LDLRAD3: variants seen among roughly 807,000 people sequenced by gnomAD.
LDLRAD3 encodes the protein low density lipoprotein receptor class A domain containing 3.
A neutral mutation model predicts 29.4 loss-of-function variants in LDLRAD3; 20 were observed. The observed-to-expected ratio is 0.68, with a 90% CI of 0.48 to 0.99. The LOEUF is 0.99. LDLRAD3 is among the 50% of genes least tolerant of loss of function. The probability of loss-of-function intolerance (pLI) is 0.00; values close to 1 mark genes in which losing one functional copy is unlikely to be tolerated. For missense variants in LDLRAD3, 420 were observed against 454.3 expected, an observed-to-expected ratio of 0.92 and a Z score of 0.69; for synonymous variants, 157 against 192.7, an observed-to-expected ratio of 0.81 and a Z score of 1.53.
chr11:36,125,007 G>A (rs1347016457), intron 4 of LDLRAD3, among the ~76,000 whole-genome samples: 2 of 152,100 alleles, frequency 1.3e-5, no homozygotes, highest in Admixed American at 1.3e-4. Flanking sequence ...CTTTGCAGGT[G>A]CTGTTACCTC....
chr11:36,050,630 C>T (rs1470143368), intron 2 of LDLRAD3, among the ~76,000 whole-genome samples: 1 of 152,196 alleles, frequency 6.6e-6, no homozygotes, highest in Non-Finnish European at 1.5e-5. Flanking sequence ...TGATTCAAGA[C>T]CTGACTGCTG....
At chr11:36,123,182 G>T (rs898317179) in intron 4 of LDLRAD3, among the ~76,000 whole-genome samples, 1 of 151,898 alleles carries the variant, frequency 6.6e-6, no homozygotes, top group Non-Finnish European at 1.5e-5. Flanking sequence ...GCGAGACTCC[G>T]TCTCAAAATA....
intron 4 of LDLRAD3, among the ~76,000 whole-genome samples, chr11:36,114,334 T>C (rs1304217144): frequency 6.6e-6 from 1 of 152,186 alleles, no homozygotes; most frequent in Non-Finnish European, 1.5e-5. Flanking sequence ...GAAATCTGCC[T>C]ATCGGGGCTG....
chr11:36,210,487 A>G lies in LDLRAD3; in HGVS notation c.455-16598A>G, dbSNP rs114015482. Among the ~76,000 whole-genome samples the G allele has an allele frequency of 4.2e-3, 641 of 152,208 alleles. 2 individuals carry two copies. Among genetic ancestry groups the G allele is most frequent in the African/African-American group, 0.015 (613 of 41,562 alleles). On this transcript the variant is annotated intron_variant, in intron 4 of 5. Coordinates refer to ENST00000315571, the MANE Select transcript of LDLRAD3 (RefSeq NM_174902.4). ...GATACTTGGTTATTATTTCCTCTTT[A>G]TAGAATTGAATGAGTAACTTTGAAT...
chr11:36,065,980 G>A (rs1852785461), intron 2 of LDLRAD3, among the ~76,000 whole-genome samples: 2 of 152,098 alleles, frequency 1.3e-5, no homozygotes, highest in Admixed American at 1.3e-4. Flanking sequence ...AAAACCTCAA[G>A]GTTTGCTAGG....
intron 1 of LDLRAD3, among the ~76,000 whole-genome samples, chr11:35,995,308 T>C (rs1851740185): frequency 6.6e-6 from 1 of 152,232 alleles, no homozygotes; most frequent in South Asian, 2.1e-4. Flanking sequence ...CAACAGAGCT[T>C]GTGGGTAACC....
At chr11:36,195,383 A>G (rs978316828) in intron 4 of LDLRAD3, among the ~76,000 whole-genome samples, 1 of 152,220 alleles carries the variant, frequency 6.6e-6, no homozygotes, top group African/African-American at 2.4e-5. Context: ...GAACACCACC[A>G]TTCTAGTTAC....
Position 36,095,784 on chromosome 11 carries a change from C to T in LDLRAD3, c.320-2543C>T, listed in dbSNP as rs193052721. Among the ~76,000 whole-genome samples, 11 of 152,258 alleles carry T rather than the reference C, an allele frequency of 7.2e-5. No individual in the cohort carries two copies. In the South Asian group the frequency reaches 1.2e-3, roughly 17 times the overall value. ...CGTTTACATAAGCTTATGAACGCCC[C>T]GTCTTGGAGCACTTAGAATGCCTTT... On this transcript the variant is annotated intron_variant, in intron 3 of 5. Transcript: ENST00000315571.
chr11:36,190,052 ACT>A (rs1333301331), intron 4 of LDLRAD3, among the ~76,000 whole-genome samples: 7 of 138,276 alleles, frequency 5.1e-5, no homozygotes, highest in East Asian at 2.3e-4. Context: ...AAGACAGAAC[ACT>A]CACACATCTA....
intron 4 of LDLRAD3, among the ~76,000 whole-genome samples, chr11:36,204,678 AG>A (rs1298374676): frequency 6.6e-6 from 1 of 152,034 alleles, no homozygotes; most frequent in Non-Finnish European, 1.5e-5. Context: ...TAGTAGAGAC[AG>A]GGTTTCACTA....
chr11:36,124,608 C>T (rs1853808542), intron 4 of LDLRAD3, among the ~76,000 whole-genome samples: 1 of 152,112 alleles, frequency 6.6e-6, no homozygotes, highest in South Asian at 2.1e-4. Context: ...GACTACATAC[C>T]CTGTATGTTC....
rs115029244 is a variant in LDLRAD3, at chr11:36,031,547, C to T, written c.47-4556C>T. Among the ~76,000 whole-genome samples the T allele has an allele frequency of 3.1e-3, 465 of 152,284 alleles. 7 individuals carry two copies. Among genetic ancestry groups the T allele is most frequent in the African/African-American group, 0.011 (449 of 41,556 alleles). The stretch of plus-strand genomic sequence containing the variant: ...TTCTTAGAGTGGTTATAAGTATTTA[C>T]TGGAGACCTACAGAGTGGTCAGGTG... On this transcript the variant is annotated intron_variant, in intron 1 of 5. Transcript: ENST00000315571.
intron 1 of LDLRAD3, among the ~76,000 whole-genome samples, chr11:36,008,276 C>G (rs1854205281): frequency 6.6e-6 from 1 of 152,100 alleles, no homozygotes; most frequent in African/African-American, 2.4e-5. Flanking sequence ...TTTGAATGTG[C>G]ACCTGAGGCC....
At chr11:36,192,997 G>A (rs1854978601) in intron 4 of LDLRAD3, among the ~76,000 whole-genome samples, 1 of 152,166 alleles carries the variant, frequency 6.6e-6, no homozygotes, top group Admixed American at 6.5e-5. Flanking sequence ...TCTGTAAAAT[G>A]GGAATAATAG....
At chr11:36,073,276 C>T (rs1026035023) in intron 2 of LDLRAD3, among the ~76,000 whole-genome samples, 2 of 152,198 alleles carry the variant, frequency 1.3e-5, no homozygotes, top group Non-Finnish European at 2.9e-5. Flanking sequence ...GACCCTTGGT[C>T]CCCATCTTCC....
At chr11:36,126,323 A>G (rs1853836750) in intron 4 of LDLRAD3, among the ~76,000 whole-genome samples, 1 of 152,048 alleles carries the variant, frequency 6.6e-6, no homozygotes, top group Non-Finnish European at 1.5e-5. Flanking sequence ...TACCTTCTCC[A>G]GCCCTGTGCC....
At chr11:36,153,171 TC>T (rs1175547870) in intron 4 of LDLRAD3, among the ~76,000 whole-genome samples, 1 of 151,664 alleles carries the variant, frequency 6.6e-6, no homozygotes, top group Non-Finnish European at 1.5e-5. Context: ...CCCAGCATAG[TC>T]GGGGTGCTTG....
At chr11:36,187,291 G>A (rs1854865446) in intron 4 of LDLRAD3, among the ~76,000 whole-genome samples, 2 of 152,266 alleles carry the variant, frequency 1.3e-5, no homozygotes, top group Admixed American at 1.3e-4. Flanking sequence ...TTCCCCAGAA[G>A]TGACCAGCAT....
intron 2 of LDLRAD3, among the ~76,000 whole-genome samples, chr11:36,047,064 G>A (rs1405165369): frequency 1.3e-5 from 2 of 151,536 alleles, no homozygotes; most frequent in Non-Finnish European, 3.0e-5. Context: ...GGAGGGGGCT[G>A]CTGTGGACTA....
Sources: gnomAD v4.1 joint callset for allele counts (sites outside exome capture counted in the v4.1 genomes callset) on GRCh38, gnomAD v4.1.1 for gene constraint, MANE v1.5 for transcripts, NCBI Gene and HGNC (gene_info 2026-07-23, HGNC 2026-07-21) for gene names.